GAS2: variants seen among roughly 807,000 people sequenced by gnomAD.
GAS2 encodes growth arrest specific 2.
A neutral mutation model predicts 37.5 loss-of-function variants in GAS2; 20 were observed. The ratio of observed to expected loss-of-function variants is 0.53; its 90% CI spans 0.37 to 0.77. The LOEUF (loss-of-function observed/expected upper bound fraction) is 0.77. GAS2 is among the 30% of genes least tolerant of loss of function. The probability of loss-of-function intolerance (pLI) is 0.00; values close to 1 mark genes in which losing one functional copy is unlikely to be tolerated. For synonymous variants in GAS2, 144 were observed against 132.2 expected, an observed-to-expected ratio of 1.09 and a Z score of -0.61; for missense variants, 336 against 373.4, an observed-to-expected ratio of 0.90 and a Z score of 0.82.
intron 7 of GAS2, among the ~76,000 whole-genome samples, chr11:22,789,454 A>ATATATATATATATATATATATTT (rs1564889924): frequency 3.3e-5 from 2 of 61,212 alleles, no homozygotes; most frequent in African/African-American, 5.6e-5. Flanking sequence ...ATATATATAT[A>ATATATATATATATATATATATTT]TTCTTTTTTT....
At chr11:22,756,243 T>G (rs1854034630) in intron 7 of GAS2, among the ~76,000 whole-genome samples, 1 of 152,058 alleles carries the variant, frequency 6.6e-6, no homozygotes, top group Non-Finnish European at 1.5e-5. Flanking sequence ...TCAAGATAAT[T>G]TAATCTCTCA....
chr11:22,766,242 CTT>C (rs34345069), intron 7 of GAS2, among the ~76,000 whole-genome samples: 2 of 146,340 alleles, frequency 1.4e-5, no homozygotes, highest in African/African-American at 2.5e-5. Context: ...TCCTCGGATT[CTT>C]TTTTTTTTTT....
chr11:22,696,835 G>A (rs1306969324), intron 3 of GAS2, among the ~76,000 whole-genome samples: 7 of 150,910 alleles, frequency 4.6e-5, no homozygotes, highest in Non-Finnish European at 1.0e-4. Flanking sequence ...TGTAGATTCT[G>A]GATATTAGCC....
chr11:22,769,803 C>G (rs1206095669), intron 7 of GAS2, among the ~76,000 whole-genome samples: 1 of 152,108 alleles, frequency 6.6e-6, no homozygotes, highest in African/African-American at 2.4e-5. Flanking sequence ...GCTTAAGATG[C>G]TACATAAATT....
intron 1 of GAS2, among the ~76,000 whole-genome samples, chr11:22,673,727 C>T (rs540091149): frequency 5.9e-5 from 9 of 151,854 alleles, no homozygotes; most frequent in East Asian, 3.9e-4. Flanking sequence ...GCCAACATGG[C>T]GAAACCCCAT....
Position 22,659,442 on chromosome 11 carries a change from C to T in GAS2, c.-20-15408C>T, listed in dbSNP as rs57667358. 4.2e-3 allele frequency among the ~76,000 whole-genome samples: 642 copies of T among 152,300 alleles called. 3 individuals are homozygous for T. Among genetic ancestry groups the T allele is most frequent in the African/African-American group, 0.015 (604 of 41,568 alleles). ...ACATCTTCCCTGACCCCCATCTATC[C>T]TCGACTGATACCAGATCCAAAAGAA... On this transcript the variant is annotated intron_variant, in intron 1 of 5. Transcript: ENST00000528582.
At chr11:22,663,995 A>G (rs1053710498), upstream of GAS2, among the ~76,000 whole-genome samples, 2 of 152,282 alleles carry the variant, frequency 1.3e-5, no homozygotes, top group Admixed American at 1.3e-4. Flanking sequence ...ATTATTAAAT[A>G]TATGTCTTCA....
At chr11:22,737,796 A>T (rs1448869849) in intron 5 of GAS2, 28 bp downstream of exon 5, 1 of 1,604,626 alleles carries the variant, frequency 6.2e-7, no homozygotes, top group Non-Finnish European at 8.5e-7. Context: ...AACTATGTCA[A>T]GACATTGACG....
chr11:22,779,966 C>T (rs1855468907), intron 7 of GAS2, among the ~76,000 whole-genome samples: 1 of 152,184 alleles, frequency 6.6e-6, no homozygotes, highest in Non-Finnish European at 1.5e-5. Flanking sequence ...ATAATCTTTG[C>T]TGTGTTTTCT....
chr11:22,789,452 A>ATATATATATATG, intron 7 of GAS2, among the ~76,000 whole-genome samples: 1 of 74,242 alleles, frequency 1.3e-5, no homozygotes, highest in South Asian at 4.5e-4. Context: ...ATATATATAT[A>ATATATATATATG]TATTCTTTTT....
At chr11:22,749,496 A>C (rs1853611318) in intron 6 of GAS2, among the ~76,000 whole-genome samples, 1 of 152,054 alleles carries the variant, frequency 6.6e-6, no homozygotes, top group East Asian at 1.9e-4. Context: ...AAAACTTTAG[A>C]ATAATAAGTC....
intron 7 of GAS2, among the ~76,000 whole-genome samples, chr11:22,789,552 A>G (rs921214285): frequency 9.7e-5 from 13 of 133,626 alleles, no homozygotes; most frequent in South Asian, 2.4e-4. Context: ...AGCTCCACCT[A>G]CCGGGTTCAC....
intron 3 of GAS2, among the ~76,000 whole-genome samples, chr11:22,708,386 A>C (rs1851230759): frequency 6.6e-6 from 1 of 152,204 alleles, no homozygotes; most frequent in Non-Finnish European, 1.5e-5. Flanking sequence ...TTTTCTAACA[A>C]ACATGCACTT....
intron 7 of GAS2, among the ~76,000 whole-genome samples, chr11:22,758,671 T>C (rs1393067998): frequency 6.6e-6 from 1 of 152,054 alleles, no homozygotes; most frequent in Admixed American, 6.6e-5. Flanking sequence ...CCCAGCACTT[T>C]GGGAGGCCGA....
chr11:22,744,697 T>C (rs968956665), intron 5 of GAS2, among the ~76,000 whole-genome samples: 18 of 151,874 alleles, frequency 1.2e-4, no homozygotes, highest in African/African-American at 3.6e-4. Context: ...CAACATCATA[T>C]TGAAGCAAAA....
intron 7 of GAS2, among the ~76,000 whole-genome samples, chr11:22,766,030 C>G (rs1032774742): frequency 2.0e-5 from 3 of 152,170 alleles, no homozygotes; most frequent in Admixed American, 6.5e-5. Flanking sequence ...AGTGCGAGAG[C>G]TCACTTATCA....
chr11:22,676,344 T>G (rs1849426844), intron 2 of GAS2, among the ~76,000 whole-genome samples: 1 of 152,186 alleles, frequency 6.6e-6, no homozygotes, highest in Admixed American at 6.5e-5. Flanking sequence ...TGGGGTTCAC[T>G]AATGATTGTC....
At chr11:22,788,018 G>A (rs1331899170) in intron 7 of GAS2, among the ~76,000 whole-genome samples, 3 of 152,110 alleles carry the variant, frequency 2.0e-5, no homozygotes, top group Admixed American at 6.6e-5. Flanking sequence ...GAAAGGTGTC[G>A]GAGTGCCTCT....
At chr11:22,759,984 G>T (rs1338756784) in intron 7 of GAS2, among the ~76,000 whole-genome samples, 1 of 152,110 alleles carries the variant, frequency 6.6e-6, no homozygotes, top group Non-Finnish European at 1.5e-5. Flanking sequence ...CAATTTGATG[G>T]CTATGTTCTA....
Sources: allele counts gnomAD v4.1 joint callset (sites outside exome capture counted in the v4.1 genomes callset), GRCh38; gene constraint gnomAD v4.1.1; transcripts MANE v1.5; gene names NCBI Gene and HGNC (gene_info 2026-07-23, HGNC 2026-07-21).